The following ZP3 variants were observed in gnomAD, a reference collection of about 807,000 sequenced individuals.
The protein encoded by ZP3 is zona pellucida sperm-binding protein 3.
ZP3 carries 21 observed loss-of-function variants against 35.6 expected under a neutral mutation model. The ratio of observed to expected loss-of-function variants is 0.59; its 90% CI spans 0.42 to 0.85. The LOEUF is 0.85. Among genes scored for constraint, ZP3 ranks in the 40% least tolerant of loss-of-function variants. The pLI is 0.00. For missense variants in ZP3, 437 were observed against 536.5 expected (o/e 0.81, Z 1.83); for synonymous variants, 207 against 214.5 (o/e 0.96, Z 0.31).
chr7:76,435,186 T>TA (rs1431125812), intron 5 of ZP3, among the ~76,000 whole-genome samples: 1 of 152,130 alleles, frequency 6.6e-6, no homozygotes, highest in East Asian at 1.9e-4. Flanking sequence ...CTACTAAAAA[T>TA]ACAAAAAATT....
chr7:76,430,086 T>C (rs1805783253), intron 2 of ZP3, among the ~76,000 whole-genome samples: 3 of 152,062 alleles, frequency 2.0e-5, no homozygotes, highest in Non-Finnish European at 4.4e-5. Flanking sequence ...GCCGGGTGTC[T>C]ATAATCCCAG....
At position 76,432,059 on chromosome 7, in the gene ZP3, C is replaced by T. The variant is rs368975845; in HGVS notation, c.432-868C>T. Among the ~76,000 whole-genome samples the T allele has an allele frequency of 1.2e-4, 19 of 152,154 alleles. No homozygotes were observed. In the South Asian group the frequency reaches 2.1e-3, roughly 17 times the overall value. On this transcript the variant is annotated intron_variant, in intron 2 of 7. Coordinates refer to ENST00000394857, the MANE Select transcript of ZP3 (RefSeq NM_001110354.2). Reference sequence around the variant, plus strand: ...TTAAAAAAAAAAAGTCTTACTCTGCCGCCCAGGCTGGAGTGCAGTGGGGTG... The same window carrying T: ...TTAAAAAAAAAAAGTCTTACTCTGCTGCCCAGGCTGGAGTGCAGTGGGGTG...
chr7:76,424,847 A>G (rs1388995407), upstream of ZP3: 2 of 960,152 alleles, frequency 2.1e-6, no homozygotes, highest in East Asian at 2.6e-5. Context: ...TTATGCAACA[A>G]GGGCCCAGCT....
intron 1 of ZP3, among the ~76,000 whole-genome samples, chr7:76,411,971 T>C (rs1805257601): frequency 6.6e-6 from 1 of 151,926 alleles, no homozygotes; most frequent in Non-Finnish European, 1.5e-5. Context: ...GGCAGGAGGA[T>C]CACTTGAGCC....
chr7:76,409,680 G>C (rs1286765708), intron 1 of ZP3: 1 of 152,536 alleles, frequency 6.6e-6, no homozygotes. Flanking sequence ...GCACCAGCTG[G>C]AGCGGCCCCA....
rs574241994 is a variant in ZP3, at chr7:76,441,427, C to T, written c.1061-415C>T. On this transcript the variant is annotated intron_variant, in intron 7 of 7. Coordinates refer to ENST00000394857, the MANE Select transcript of ZP3 (RefSeq NM_001110354.2). ...GCACCAAGATGGTGTCTAGCTCTGTCCTCCAGGCTGGAGAGCAATGGCACG... is the reference window on the plus strand; with the variant it reads ...GCACCAAGATGGTGTCTAGCTCTGTTCTCCAGGCTGGAGAGCAATGGCACG... Among the ~76,000 whole-genome samples the T allele has an allele frequency of 5.5e-4, 83 of 151,834 alleles. 4 individuals carry two copies. The East Asian group carries it at 0.016, about 29-fold the overall frequency.
At chr7:76,415,374 A>AAAAAAAAAAAAAAAAAAAAC (rs1805344660) in intron 1 of ZP3, among the ~76,000 whole-genome samples, 1 of 150,604 alleles carries the variant, frequency 6.6e-6, no homozygotes, top group African/African-American at 2.5e-5. Context: ...CAAAAAAAAA[A>AAAAAAAAAAAAAAAAAAAAC]AAAAAGGTCT....
upstream of ZP3, among the ~76,000 whole-genome samples, chr7:76,421,623 G>A (rs1805506842): frequency 6.9e-6 from 1 of 145,982 alleles, no homozygotes; most frequent in African/African-American, 2.5e-5. Flanking sequence ...TTTTTTTTGA[G>A]ATGGAGTCTC....
intron 1 of ZP3, 115 bp from the exon 2 acceptor site, chr7:76,429,400 G>T: frequency 1.0e-6 from 1 of 964,742 alleles, no homozygotes; most frequent in African/African-American, 1.6e-5. Flanking sequence ...ACCTGGCCTT[G>T]ACCCTGTGGT....
intron 1 of ZP3, among the ~76,000 whole-genome samples, chr7:76,418,257 T>A (rs1424207385): frequency 1.3e-5 from 2 of 152,024 alleles, no homozygotes; most frequent in African/African-American, 4.8e-5. Flanking sequence ...AAACACCTAC[T>A]GAATATCTGA....
chr7:76,409,852 C>G (rs940461495), intron 1 of ZP3, among the ~76,000 whole-genome samples: 1 of 151,660 alleles, frequency 6.6e-6, no homozygotes, highest in African/African-American at 2.4e-5. Flanking sequence ...GCCAAGCATC[C>G]TGATCTTTGG....
chr7:76,441,721 T>C, intron 7 of ZP3, 121 bp from the exon 8 acceptor site: 1 of 1,196,058 alleles, frequency 8.4e-7, no homozygotes, highest in South Asian at 1.3e-5. Flanking sequence ...TAGAAACTGT[T>C]TATTAGCCCA....
At chr7:76,429,735 A>G (rs1446943967) in intron 2 of ZP3, 102 bp downstream of exon 2, 9 of 956,642 alleles carry the variant, frequency 9.4e-6, no homozygotes, top group Non-Finnish European at 1.3e-5. Context: ...CATGGCTATT[A>G]GAACTACCTA....
intron 5 of ZP3, among the ~76,000 whole-genome samples, chr7:76,438,557 A>AAAG (rs759616662): frequency 2.1e-5 from 3 of 143,996 alleles, no homozygotes; most frequent in Admixed American, 6.9e-5. Context: ...AAAAAAAAAA[A>AAAG]GGGTAGCGGG....
intron 1 of ZP3, among the ~76,000 whole-genome samples, chr7:76,419,470 G>A (rs553141753): frequency 6.6e-6 from 1 of 152,076 alleles, no homozygotes; most frequent in Admixed American, 6.6e-5. Flanking sequence ...ACATATGCAC[G>A]TGGCTGTTTC....
intron 5 of ZP3, among the ~76,000 whole-genome samples, chr7:76,437,312 T>A (rs1806047668): frequency 6.6e-6 from 1 of 151,986 alleles, no homozygotes; most frequent in Admixed American, 6.6e-5. Context: ...ATAGTTGGAA[T>A]TATAGGCACT....
intron 1 of ZP3, among the ~76,000 whole-genome samples, chr7:76,408,797 G>A (rs1805130426): frequency 6.6e-6 from 1 of 152,130 alleles, no homozygotes; most frequent in Non-Finnish European, 1.5e-5. Flanking sequence ...TTGGTGATTA[G>A]GGCTCTTGAA....
At chr7:76,433,389 A>G in intron 3 of ZP3, 81 bp from the exon 4 acceptor site, 1 of 1,481,832 alleles carries the variant, frequency 6.7e-7, no homozygotes, top group Non-Finnish European at 9.2e-7. Flanking sequence ...TCCTGACCTC[A>G]GGTGATCCAC....
At chr7:76,401,897 G>A (rs867907850) in intron 1 of ZP3, among the ~76,000 whole-genome samples, 2 of 152,156 alleles carry the variant, frequency 1.3e-5, no homozygotes, top group Non-Finnish European at 2.9e-5. Context: ...CAGACTCTCC[G>A]CTCAGAACCT....
Sources: gnomAD v4.1 joint callset for allele counts (sites outside exome capture counted in the v4.1 genomes callset) on GRCh38, gnomAD v4.1.1 for gene constraint, MANE v1.5 for transcripts, NCBI Gene and HGNC (gene_info 2026-07-23, HGNC 2026-07-21) for gene names.